ANK2: variants seen among roughly 807,000 people sequenced by gnomAD.
The protein encoded by ANK2 is ankyrin 2.
ANK2 carries 83 observed loss-of-function variants against 360.5 expected under a neutral mutation model. That is an observed-to-expected ratio of 0.23 (90% CI 0.19 to 0.28). The LOEUF is 0.28. Among genes scored for constraint, ANK2 ranks in the 10% least tolerant of loss-of-function variants. The pLI, the probability that ANK2 is intolerant of heterozygous loss-of-function variation, is 1.00. For missense variants in ANK2, 4,201 were observed against 4,795.7 expected (o/e 0.88, Z 3.66); for synonymous variants, 1,740 against 1,759.5 (o/e 0.99, Z 0.28).
chr4:113,017,951 C>T (rs942929086), intron 2 of ANK2, among the ~76,000 whole-genome samples: 2 of 152,136 alleles, frequency 1.3e-5, no homozygotes, highest in Non-Finnish European at 2.9e-5. Context: ...GGTATAAGAG[C>T]AGAAGACTGC....
the ANK2 span, among the ~76,000 whole-genome samples, chr4:112,718,826 G>A: frequency 3.3e-5 from 5 of 149,868 alleles, no homozygotes; most frequent in African/African-American, 4.9e-5. Flanking sequence ...TAGTAGAGAC[G>A]GGGTTTCTCC....
At chr4:112,955,137 A>C (rs1201556282) in intron 2 of ANK2, among the ~76,000 whole-genome samples, 2 of 152,184 alleles carry the variant, frequency 1.3e-5, no homozygotes, top group African/African-American at 4.8e-5. Context: ...ATGAAAAACA[A>C]GCTACAGCTT....
chr4:113,362,037 T>C (rs776360051), intron 39 of ANK2, among the ~76,000 whole-genome samples: 4 of 152,198 alleles, frequency 2.6e-5, no homozygotes, highest in Non-Finnish European at 4.4e-5. Context: ...ATACAGTGCC[T>C]ATATTTATGC....
At chr4:112,810,147 ATATATATATATATTTTTTTT>A in the ANK2 span, among the ~76,000 whole-genome samples, 20,932 of 60,970 alleles carry the variant, frequency 0.34, 1,928 homozygotes, top group East Asian at 0.47. Flanking sequence ...ATATATATAT[ATATATATATATATTTTTTTT>A]TTTTTTTTTT....
At chr4:113,250,758 C>CCT (rs927149581) in intron 10 of ANK2, among the ~76,000 whole-genome samples, 1 of 132,276 alleles carries the variant, frequency 7.6e-6, no homozygotes, top group Non-Finnish European at 1.7e-5. Flanking sequence ...TACCACCGCC[C>CCT]CCCCCCCCGA....
intron 2 of ANK2, among the ~76,000 whole-genome samples, chr4:112,950,112 C>T (rs2094837417): frequency 1.3e-5 from 2 of 152,098 alleles, no homozygotes; most frequent in Admixed American, 1.3e-4. Flanking sequence ...GGTCTTCAGT[C>T]TAATGTCCCT....
At position 113,178,696 on chromosome 4, in the gene ANK2, A is replaced by G. The variant is rs1482069660; in HGVS notation, c.186+4179A>G. Among the ~76,000 whole-genome samples, 5 of 152,148 alleles carry G rather than the reference A, an allele frequency of 3.3e-5. No homozygotes were observed. In the South Asian group the frequency reaches 8.3e-4, roughly 25 times the overall value. On this transcript the variant is annotated intron_variant, in intron 2 of 45. Coordinates refer to ENST00000357077, the MANE Select transcript of ANK2 (RefSeq NM_001148.6). ...TTAGGGAAATACAGTGACTAATGTT[A>G]CCTGCTTAGCTACTGTGTATTAGAC... is the stretch of plus-strand genomic sequence containing the variant.
the ANK2 span, among the ~76,000 whole-genome samples, chr4:112,706,404 A>G: frequency 1.3e-5 from 2 of 152,162 alleles, no homozygotes; most frequent in East Asian, 1.9e-4. Flanking sequence ...ACACACAGAC[A>G]CACATACAGA....
chr4:112,833,526 G>T (rs892424803), intron 1 of ANK2, among the ~76,000 whole-genome samples: 3 of 143,790 alleles, frequency 2.1e-5, no homozygotes, highest in African/African-American at 5.3e-5. Context: ...TTTTTTGAGA[G>T]GGAGTCTCGC....
chr4:112,934,066 G>C (rs2093512825), intron 2 of ANK2, among the ~76,000 whole-genome samples: 1 of 152,146 alleles, frequency 6.6e-6, no homozygotes. Flanking sequence ...GGGGGAGTTG[G>C]AGCCTGTTCG....
At chr4:113,279,320 C>T (rs1377929549) in intron 17 of ANK2, among the ~76,000 whole-genome samples, 1 of 152,060 alleles carries the variant, frequency 6.6e-6, no homozygotes, top group Non-Finnish European at 1.5e-5. Context: ...AAAAAACTGC[C>T]ACCATTTATT....
At chr4:113,181,916 G>A (rs2098423972) in intron 2 of ANK2, among the ~76,000 whole-genome samples, 1 of 152,184 alleles carries the variant, frequency 6.6e-6, no homozygotes, top group Non-Finnish European at 1.5e-5. Context: ...TTCCGAATGA[G>A]CAGAGAAGTG....
chr4:113,084,021 C>T (rs371988147), intron 1 of ANK2, among the ~76,000 whole-genome samples: 4 of 151,986 alleles, frequency 2.6e-5, no homozygotes, highest in Non-Finnish European at 5.9e-5. Context: ...TGCGATTGTT[C>T]GGGGACTCAA....
chr4:113,269,486 C>A (rs1217485088), intron 14 of ANK2, among the ~76,000 whole-genome samples: 3 of 152,234 alleles, frequency 2.0e-5, no homozygotes, highest in Non-Finnish European at 4.4e-5. Context: ...GTGCACCATT[C>A]CTCATGGCAC....
chr4:112,984,762 T>C (rs2044288053), intron 2 of ANK2, among the ~76,000 whole-genome samples: 1 of 152,220 alleles, frequency 6.6e-6, no homozygotes, highest in Non-Finnish European at 1.5e-5. Context: ...TGCTTTGCTG[T>C]TAAAGTTCAT....
intron 1 of ANK2, among the ~76,000 whole-genome samples, chr4:112,858,046 T>G (rs1244757866): frequency 6.6e-6 from 1 of 152,168 alleles, no homozygotes; most frequent in Non-Finnish European, 1.5e-5. Flanking sequence ...TCAAAACATA[T>G]ATATATGTTC....
At chr4:112,933,577 C>T (rs1023944578) in intron 2 of ANK2, among the ~76,000 whole-genome samples, 1 of 151,736 alleles carries the variant, frequency 6.6e-6, no homozygotes, top group Non-Finnish European at 1.5e-5. Flanking sequence ...CTTGGCTCAC[C>T]GCAACCTCTG....
At chr4:113,116,555 T>A (rs1325628687) in intron 1 of ANK2, among the ~76,000 whole-genome samples, 1 of 152,208 alleles carries the variant, frequency 6.6e-6, no homozygotes, top group Non-Finnish European at 1.5e-5. Flanking sequence ...CCAACTGTGC[T>A]CCTCTTCTCC....
At chr4:112,966,197 A>G (rs969321040) in intron 2 of ANK2, among the ~76,000 whole-genome samples, 10 of 151,714 alleles carry the variant, frequency 6.6e-5, no homozygotes, top group African/African-American at 2.4e-4. Context: ...CATTTATACT[A>G]TAAATCCAAA....
Sources: allele counts gnomAD v4.1 joint callset (sites outside exome capture counted in the v4.1 genomes callset), GRCh38; gene constraint gnomAD v4.1.1; transcripts MANE v1.5; gene names NCBI Gene and HGNC (gene_info 2026-07-23, HGNC 2026-07-21).